LPIN2: variants seen among roughly 807,000 people sequenced by gnomAD.
The protein encoded by LPIN2 is lipin 2.
A neutral mutation model predicts 111.4 loss-of-function variants in LPIN2; 55 were observed. The ratio of observed to expected loss-of-function variants is 0.49; its 90% confidence interval spans 0.40 to 0.62. LPIN2 has a LOEUF of 0.62. LPIN2 is among the 20% of genes least tolerant of loss of function. The pLI, the probability that LPIN2 is intolerant of heterozygous loss-of-function variation, is 0.00. For missense variants in LPIN2, 992 were observed against 1,112.1 expected (o/e 0.89, Z 1.54); for synonymous variants, 425 against 414.0 (o/e 1.03, Z -0.32).
intron 1 of LPIN2, among the ~76,000 whole-genome samples, chr18:2,980,597 C>G (rs962271868): frequency 6.6e-6 from 1 of 152,200 alleles, no homozygotes; most frequent in Admixed American, 6.5e-5. Flanking sequence ...AGCTTTTTGG[C>G]ATCAACCAGA....
intron 3 of LPIN2, among the ~76,000 whole-genome samples, chr18:2,952,380 T>C (rs569783540): frequency 2.0e-5 from 3 of 152,236 alleles, no homozygotes; most frequent in South Asian, 4.1e-4. Context: ...GCCGAGATCA[T>C]GCCACTGCAC....
At chr18:2,968,132 TCTC>T (rs2077837764) in intron 1 of LPIN2, among the ~76,000 whole-genome samples, 1 of 152,048 alleles carries the variant, frequency 6.6e-6, no homozygotes, top group African/African-American at 2.4e-5. Context: ...GTCAAAGTGT[TCTC>T]CTTCATTTCT....
At chr18:2,958,861 A>T (rs1322172601) in intron 2 of LPIN2, among the ~76,000 whole-genome samples, 2 of 152,206 alleles carry the variant, frequency 1.3e-5, no homozygotes, top group African/African-American at 2.4e-5. Context: ...GCTTATAAAT[A>T]CATCTGCCTT....
chr18:2,939,680 G>A lies in LPIN2; in HGVS notation c.699-77C>T, dbSNP rs1257152869. Reference sequence around the variant, plus strand: ...TCTTGCTGAGCCTGACAGATTAAAAGAAACAAATCTGAATATCTTGACTTT... The same window carrying A: ...TCTTGCTGAGCCTGACAGATTAAAAAAAACAAATCTGAATATCTTGACTTT... On this transcript the variant is annotated intron_variant, in intron 5 of 19. Coordinates refer to ENST00000677752, the MANE Select transcript of LPIN2 (RefSeq NM_001375808.2). 4 of 1,523,902 alleles carry A rather than the reference G, an allele frequency of 2.6e-6. No individual in the cohort carries two copies. In the African/African-American group the frequency reaches 5.5e-5, roughly 21 times the overall value. The allele number at this position is 1,523,902 out of a possible 1,614,324, so 94.4% of individuals were successfully genotyped here. A position where few individuals can be genotyped will look rare whatever the true frequency, so the allele number is the denominator to read the frequency against.
intron 1 of LPIN2, among the ~76,000 whole-genome samples, chr18:3,009,721 G>A (rs1358584405): frequency 3.3e-5 from 5 of 152,058 alleles, no homozygotes; most frequent in Admixed American, 6.6e-5. Flanking sequence ...GATTACAGGC[G>A]TGAACCACCG....
At chr18:2,965,327 T>C (rs529648167) in intron 1 of LPIN2, among the ~76,000 whole-genome samples, 7 of 152,340 alleles carry the variant, frequency 4.6e-5, no homozygotes, top group Admixed American at 3.9e-4. Context: ...GAATGAATGG[T>C]AGCTTTCAAG....
chr18:2,960,617 G>C, intron 2 of LPIN2, 32 bp downstream of exon 2: 1 of 1,604,194 alleles, frequency 6.2e-7, no homozygotes, highest in Non-Finnish European at 8.5e-7. Flanking sequence ...TTGAATCTCA[G>C]GATGACTTTT....
chr18:2,945,488 C>G, intron 4 of LPIN2: 1 of 853,218 alleles, frequency 1.2e-6, no homozygotes. Context: ...AGCAAGCCAC[C>G]ACTTCACACA....
intron 1 of LPIN2, among the ~76,000 whole-genome samples, chr18:2,986,668 G>A (rs2078191531): frequency 6.6e-6 from 1 of 152,094 alleles, no homozygotes; most frequent in Non-Finnish European, 1.5e-5. Flanking sequence ...GCAGTTTAAG[G>A]AGCTTAGGAC....
At chr18:2,937,591 GTGAATACAAA>G (rs1220726593) in intron 7 of LPIN2, 91 bp downstream of exon 7, 36 of 864,802 alleles carry the variant, frequency 4.2e-5, no homozygotes, top group Admixed American at 1.2e-4. Flanking sequence ...GTTTCGACTG[GTGAATACAAA>G]TACAGAGGCA....
intron 1 of LPIN2, among the ~76,000 whole-genome samples, chr18:2,997,960 T>C (rs933051214): frequency 1.3e-5 from 2 of 152,252 alleles, no homozygotes; most frequent in African/African-American, 4.8e-5. Flanking sequence ...AAACAGAACA[T>C]GGTGACCGTG....
chr18:2,985,102 A>G (rs1036848828), intron 1 of LPIN2: 45 of 152,248 alleles, frequency 3.0e-4, no homozygotes, highest in African/African-American at 1.1e-3. Context: ...TCCTGACTGC[A>G]AGGAACATGT....
At position 2,928,916 on chromosome 18, in the gene LPIN2, AC is replaced by A. The variant is rs1271589773; in HGVS notation, c.1550+148del. On this transcript the variant is annotated intron_variant, in intron 10 of 19. Coordinates refer to ENST00000677752, the MANE Select transcript of LPIN2 (RefSeq NM_001375808.2). Reference sequence around the variant, plus strand: ...CTTTTAAAAATAAAATTGAAGCTTTACTTTCACTTCAAAGTCATTGCCCACT... The same window carrying A: ...CTTTTAAAAATAAAATTGAAGCTTTATTTCACTTCAAAGTCATTGCCCACT... 7.4e-6 allele frequency: 5 copies of A among 671,418 alleles called. No individual in the cohort carries two copies. In the African/African-American group the frequency reaches 9.1e-5, roughly 12 times the overall value. 41.6% of individuals were successfully genotyped at this position (671,418 alleles called of 1,614,324 possible). A position where few individuals can be genotyped will look rare whatever the true frequency, so the allele number is the denominator to read the frequency against.
At chr18:2,968,952 G>C (rs2077856742) in intron 1 of LPIN2, among the ~76,000 whole-genome samples, 1 of 152,184 alleles carries the variant, frequency 6.6e-6, no homozygotes, top group South Asian at 2.1e-4. Context: ...TGGTAGAAGA[G>C]ACACACACAG....
At chr18:3,009,326 G>C (rs963425020) in intron 1 of LPIN2, among the ~76,000 whole-genome samples, 1 of 151,546 alleles carries the variant, frequency 6.6e-6, no homozygotes, top group Non-Finnish European at 1.5e-5. Context: ...TTGAACCTGG[G>C]AGGCGGAGGT....
chr18:2,950,357 C>T (rs1003964198), intron 4 of LPIN2: 3 of 152,266 alleles, frequency 2.0e-5, no homozygotes, highest in African/African-American at 7.2e-5. Flanking sequence ...CCAGCAGCTC[C>T]CGCCACAAAT....
chr18:2,994,378 G>C lies in LPIN2; in HGVS notation c.-10+18709C>G, dbSNP rs183077470. 4.6e-4 allele frequency among the ~76,000 whole-genome samples: 70 copies of C among 151,838 alleles called. No individual in the cohort carries two copies. The East Asian group carries it at 0.011, about 24-fold the overall frequency. The stretch of plus-strand genomic sequence containing the variant: ...GTGTAGATGTGTGCAGCAGACCTAT[G>C]GTCAGGCTCCCTAGGGCAGCTGGCA... On this transcript the variant is annotated intron_variant, in intron 1 of 19. Coordinates refer to ENST00000677752, the MANE Select transcript of LPIN2 (RefSeq NM_001375808.2).
At chr18:2,964,404 G>A (rs893218059) in intron 1 of LPIN2, among the ~76,000 whole-genome samples, 1 of 151,982 alleles carries the variant, frequency 6.6e-6, no homozygotes, top group Admixed American at 6.6e-5. Flanking sequence ...CAATGTGATG[G>A]TATTTGGAGA....
intron 1 of LPIN2, among the ~76,000 whole-genome samples, chr18:2,995,183 T>A (rs2078322908): frequency 1.1e-5 from 1 of 91,044 alleles, no homozygotes; most frequent in Non-Finnish European, 2.8e-5. Context: ...AACTATGAAC[T>A]GAATAGTTCC....
Sources: allele counts gnomAD v4.1 joint callset (sites outside exome capture counted in the v4.1 genomes callset), GRCh38; gene constraint gnomAD v4.1.1; transcripts MANE v1.5; gene names NCBI Gene and HGNC (gene_info 2026-07-23, HGNC 2026-07-21).